P2RY6: variants seen among roughly 807,000 people sequenced by gnomAD.
P2RY6 encodes pyrimidinergic receptor P2Y6.
Under a neutral mutation model 16.3 loss-of-function variants are expected in P2RY6, and 19 were observed. The ratio of observed to expected loss-of-function variants is 1.16; its 90% CI spans 0.81 to 1.71. P2RY6 has a LOEUF of 1.71. Among genes scored for constraint, P2RY6 ranks in the 40% most tolerant of loss-of-function variants. The probability of loss-of-function intolerance (pLI) is 0.00; values close to 1 mark genes in which losing one functional copy is unlikely to be tolerated. For missense variants in P2RY6, 389 were observed against 455.5 expected, an observed-to-expected ratio of 0.85 and a Z score of 1.33; for synonymous variants, 184 against 201.5, an observed-to-expected ratio of 0.91 and a Z score of 0.74.
intron 1 of P2RY6, among the ~76,000 whole-genome samples, chr11:73,290,328 AAAGAAAG>A (rs1428987487): frequency 2.1e-5 from 3 of 144,626 alleles, no homozygotes; most frequent in Non-Finnish European, 3.1e-5. Flanking sequence ...AGAAAGAAAG[AAAGAAAG>A]AAAGAAAGAA....
chr11:73,277,670 G>A (rs1863593651), intron 1 of P2RY6, among the ~76,000 whole-genome samples: 1 of 152,384 alleles, frequency 6.6e-6, no homozygotes, highest in Non-Finnish European at 1.5e-5. Flanking sequence ...GACAAGGTAA[G>A]GAACCTGGAG....
chr11:73,292,490 A>C (rs1443490902), intron 1 of P2RY6, among the ~76,000 whole-genome samples: 3 of 152,212 alleles, frequency 2.0e-5, no homozygotes, highest in African/African-American at 7.2e-5. Context: ...TGAGCTCTCT[A>C]ATCACTGCCC....
At chr11:73,268,675 T>C (rs1287903577), upstream of P2RY6, among the ~76,000 whole-genome samples, 2 of 152,198 alleles carry the variant, frequency 1.3e-5, no homozygotes, top group Admixed American at 6.5e-5. Context: ...CCAACCATGC[T>C]TCCTGCAAGC....
At chr11:73,294,567 C>A (rs1401556969) in intron 1 of P2RY6, among the ~76,000 whole-genome samples, 1 of 152,174 alleles carries the variant, frequency 6.6e-6, no homozygotes, top group East Asian at 1.9e-4. Context: ...CACCCAGCAC[C>A]CCTAGCATAT....
At chr11:73,291,669 G>A (rs1188316058) in intron 1 of P2RY6, among the ~76,000 whole-genome samples, 7 of 152,236 alleles carry the variant, frequency 4.6e-5, no homozygotes, top group Non-Finnish European at 1.0e-4. Context: ...GCTTTGGGGT[G>A]AGATCGATGC....
intron 1 of P2RY6, among the ~76,000 whole-genome samples, chr11:73,275,447 AC>A (rs1168303837): frequency 6.6e-6 from 1 of 152,200 alleles, no homozygotes; most frequent in African/African-American, 2.4e-5. Context: ...ACAGGGACAG[AC>A]CTGCACAGGA....
intron 1 of P2RY6, among the ~76,000 whole-genome samples, chr11:73,278,035 A>G (rs144432486): frequency 2.0e-5 from 3 of 152,256 alleles, no homozygotes; most frequent in African/African-American, 7.2e-5. Context: ...GATAAAATAT[A>G]CATAACAAAA....
upstream of P2RY6, among the ~76,000 whole-genome samples, chr11:73,269,058 G>A (rs955964592): frequency 1.3e-5 from 2 of 152,232 alleles, no homozygotes; most frequent in African/African-American, 4.8e-5. Context: ...CACTAGGACT[G>A]AGCTAGCAGT....
At chr11:73,287,018 A>T (rs1201930917) in intron 1 of P2RY6, among the ~76,000 whole-genome samples, 1 of 152,190 alleles carries the variant, frequency 6.6e-6, no homozygotes, top group African/African-American at 2.4e-5. Flanking sequence ...GGTTAAATGG[A>T]TTGAGGCAAA....
intron 2 of P2RY6, 47 bp from the exon 3 acceptor site, chr11:73,296,438 G>C: frequency 1.3e-6 from 2 of 1,533,540 alleles, no homozygotes; most frequent in Non-Finnish European, 1.8e-6. Context: ...GGGCCTGCTG[G>C]GTGGTGAGTG....
chr11:73,290,748 C>T (rs960951762), intron 1 of P2RY6, among the ~76,000 whole-genome samples: 1 of 152,258 alleles, frequency 6.6e-6, no homozygotes, highest in Non-Finnish European at 1.5e-5. Flanking sequence ...GTTACTCCCT[C>T]CCAGGTGCAC....
At chr11:73,286,883 T>C (rs1863993920) in intron 1 of P2RY6, among the ~76,000 whole-genome samples, 1 of 152,204 alleles carries the variant, frequency 6.6e-6, no homozygotes, top group African/African-American at 2.4e-5. Flanking sequence ...GGATTTATAG[T>C]GCACTTTGGG....
At chr11:73,288,408 T>G (rs1028073087) in intron 1 of P2RY6, among the ~76,000 whole-genome samples, 1 of 152,222 alleles carries the variant, frequency 6.6e-6, no homozygotes, top group African/African-American at 2.4e-5. Context: ...TTAGCTTTAA[T>G]TCCTGTTGAG....
chr11:73,287,862 C>T (rs769038163), intron 1 of P2RY6, among the ~76,000 whole-genome samples: 2 of 152,306 alleles, frequency 1.3e-5, no homozygotes, highest in Middle Eastern at 3.4e-3. Context: ...TGCAGTGGCC[C>T]TATAGGCGTG....
intron 1 of P2RY6, among the ~76,000 whole-genome samples, chr11:73,264,853 T>C (rs1167993164): frequency 1.4e-5 from 2 of 147,920 alleles, no homozygotes; most frequent in Non-Finnish European, 3.0e-5. Flanking sequence ...AGACTCCGTC[T>C]AAAAAAAAAA....
At position 73,296,589 on chromosome 11, in the gene P2RY6, T is replaced by G. The variant is rs1864492730; in HGVS notation, c.71T>G (p.Phe24Cys). 6.2e-7 allele frequency: 1 copy of G among 1,614,102 alleles called. No individual in the cohort carries two copies. The highest frequency in any genetic ancestry group is 8.5e-7 in the Non-Finnish European group (1 of 1,180,056). ...PPTTCVYREN[F>C]KQLLLPPVYS... ...ACCACCTGTGTCTACCGCGAGAACT[T>G]CAAGCAACTGCTGCTGCCACCTGTG... The change falls in exon 3 of 3, where the codon TTC becomes TGC. Residue 24 changes from phenylalanine to cysteine, a missense_variant. Coordinates refer to ENST00000540124, the MANE Select transcript of P2RY6 (RefSeq NM_001277204.2).
rs375904318 is a variant in P2RY6, at chr11:73,296,497, T to G, written c.-22T>G. Reference sequence around the variant, plus strand: ...ATTGCTTTCCCAGCCTCCCTGAACATAGGAAACCCACCTGGGCAGCCATGG... The same window carrying G: ...ATTGCTTTCCCAGCCTCCCTGAACAGAGGAAACCCACCTGGGCAGCCATGG... On this transcript the variant is annotated 5_prime_UTR_variant, in exon 3 of 3. Coordinates refer to ENST00000540124, the MANE Select transcript of P2RY6 (RefSeq NM_001277204.2). The G allele has an allele frequency of 6.2e-7, 1 of 1,608,198 alleles. No individual in the cohort carries two copies. The highest frequency in any genetic ancestry group is 8.5e-7 in the Non-Finnish European group (1 of 1,175,568).
chr11:73,293,537 G>A (rs1864356866), intron 1 of P2RY6, among the ~76,000 whole-genome samples: 2 of 152,348 alleles, frequency 1.3e-5, no homozygotes, highest in South Asian at 4.1e-4. Flanking sequence ...TCAGCGCCAA[G>A]GTCAGCTGCT....
rs760640867 is a variant in P2RY6, at chr11:73,297,218, C to T, written c.700C>T (p.Arg234Cys). The change falls in exon 3 of 3, where the codon CGT (arginine) becomes TGT (cysteine). Residue 234 changes from arginine to cysteine, a missense_variant. Coordinates refer to ENST00000540124, the MANE Select transcript of P2RY6 (RefSeq NM_001277204.2). ...GGCAGAGCCTGTGGCCCAGGAGCGGCGTGGCAAGGCGGCCCGCATGGCCGT... is the reference window on the plus strand; with the variant it reads ...GGCAGAGCCTGTGGCCCAGGAGCGGTGTGGCAAGGCGGCCCGCATGGCCGT... ...GPAEPVAQER[R>C]GKAARMAVVV... is the part of the protein sequence containing the mutation. 1.2e-5 allele frequency: 19 copies of T among 1,602,922 alleles called. No homozygotes were observed. Among genetic ancestry groups the T allele is most frequent in the Admixed American group, 3.3e-5 (2 of 59,968 alleles).
Sources: allele counts gnomAD v4.1 joint callset (sites outside exome capture counted in the v4.1 genomes callset), GRCh38; gene constraint gnomAD v4.1.1; transcripts MANE v1.5; gene names NCBI Gene and HGNC (gene_info 2026-07-23, HGNC 2026-07-21).